NEGR1: variants seen among roughly 807,000 people sequenced by gnomAD.
NEGR1 encodes the protein IgLON family member 4.
In NEGR1, 10 loss-of-function variants were observed where a neutral mutation model predicts 40.9. That is an observed-to-expected ratio of 0.24 (90% CI 0.15 to 0.42). The LOEUF is 0.42. Ranked by LOEUF, NEGR1 falls within the 10% of genes least tolerant of loss-of-function variation. The probability of loss-of-function intolerance (pLI) is 1.00; values close to 1 mark genes in which losing one functional copy is unlikely to be tolerated. For missense variants in NEGR1, 352 were observed against 438.9 expected, an observed-to-expected ratio of 0.80 and a Z score of 1.77; for synonymous variants, 185 against 166.8, an observed-to-expected ratio of 1.11 and a Z score of -0.84.
chr1:72,057,971 A>G (rs1010216578), intron 1 of NEGR1, among the ~76,000 whole-genome samples: 1 of 151,540 alleles, frequency 6.6e-6, no homozygotes, highest in Non-Finnish European at 1.5e-5. Flanking sequence ...GCTTCAAGAT[A>G]TGAGCTTTGA....
intron 2 of NEGR1, among the ~76,000 whole-genome samples, chr1:71,930,084 TA>T (rs1460429635): frequency 1.3e-5 from 2 of 152,176 alleles, no homozygotes; most frequent in Admixed American, 1.3e-4. Flanking sequence ...AATTTATTCA[TA>T]GATTAAGGTG....
At chr1:71,438,422 G>T (rs1223027342) in intron 6 of NEGR1, among the ~76,000 whole-genome samples, 1 of 151,990 alleles carries the variant, frequency 6.6e-6, no homozygotes, top group African/African-American at 2.4e-5. Flanking sequence ...TGTATGTCGT[G>T]CTGAAAGCTA....
At chr1:71,719,201 A>G (rs1224629434) in intron 3 of NEGR1, among the ~76,000 whole-genome samples, 1 of 152,174 alleles carries the variant, frequency 6.6e-6, no homozygotes, top group Non-Finnish European at 1.5e-5. Context: ...ACATGATGAT[A>G]TATGAGGCTT....
chr1:71,845,742 C>T (rs1170207784), intron 2 of NEGR1, among the ~76,000 whole-genome samples: 2 of 151,796 alleles, frequency 1.3e-5, no homozygotes, highest in Admixed American at 6.6e-5. Flanking sequence ...TATCTACCTA[C>T]CTACCTACCT....
intron 2 of NEGR1, among the ~76,000 whole-genome samples, chr1:71,832,862 A>G (rs180951001): frequency 6.6e-6 from 1 of 152,136 alleles, no homozygotes; most frequent in Non-Finnish European, 1.5e-5. Flanking sequence ...TTGTTTCTCT[A>G]CTGAAATGGT....
intron 4 of NEGR1, among the ~76,000 whole-genome samples, chr1:71,683,931 T>C (rs1166362217): frequency 2.6e-5 from 4 of 152,158 alleles, no homozygotes; most frequent in Non-Finnish European, 4.4e-5. Flanking sequence ...ATAAACAATG[T>C]AAAAATTCTG....
At chr1:72,193,307 G>GA (rs369834848) in intron 1 of NEGR1, among the ~76,000 whole-genome samples, 1 of 151,522 alleles carries the variant, frequency 6.6e-6, no homozygotes, top group Admixed American at 6.6e-5. Context: ...TTCTAGTCCA[G>GA]AAAAAAATCT....
At chr1:71,698,253 A>C (rs1653552875) in intron 3 of NEGR1, 114 bp from the exon 4 acceptor site, 1 of 894,316 alleles carries the variant, frequency 1.1e-6, no homozygotes, top group Non-Finnish European at 1.7e-6. Context: ...TCCAAATGAA[A>C]CTGGGGAATT....
chr1:71,959,071 T>G (rs1248638497), intron 1 of NEGR1, among the ~76,000 whole-genome samples: 1 of 152,210 alleles, frequency 6.6e-6, no homozygotes, highest in African/African-American at 2.4e-5. Flanking sequence ...CAGTATTTTT[T>G]GTTTACACCA....
chr1:71,698,261 A>T, intron 3 of NEGR1, 122 bp from the exon 4 acceptor site: 1 of 834,184 alleles, frequency 1.2e-6, no homozygotes, highest in Non-Finnish European at 1.8e-6. Flanking sequence ...AAACTGGGGA[A>T]TTATTAAACC....
intron 3 of NEGR1, among the ~76,000 whole-genome samples, chr1:71,703,609 CACA>C (rs1042937661): frequency 8.0e-5 from 12 of 150,306 alleles, no homozygotes; most frequent in Middle Eastern, 3.5e-3. Context: ...AAAAAAATGA[CACA>C]ACGTTATTTA....
chr1:71,681,849 C>T (rs1034473647), intron 4 of NEGR1, among the ~76,000 whole-genome samples: 1 of 152,072 alleles, frequency 6.6e-6, no homozygotes, highest in Non-Finnish European at 1.5e-5. Flanking sequence ...TTTTTTTAGG[C>T]AGAGTCTCGC....
chr1:72,243,162 T>C (rs12062409), intron 1 of NEGR1, among the ~76,000 whole-genome samples: 66 of 151,854 alleles, frequency 4.3e-4, no homozygotes, highest in African/African-American at 1.5e-3. Context: ...TTAATGAGGG[T>C]AAGTCATACA....
intron 6 of NEGR1, among the ~76,000 whole-genome samples, chr1:71,505,329 C>G (rs1199474999): frequency 6.6e-6 from 1 of 151,868 alleles, no homozygotes; most frequent in Non-Finnish European, 1.5e-5. Flanking sequence ...GCTCTTTCGC[C>G]GGAGTGCAGT....
intron 6 of NEGR1, among the ~76,000 whole-genome samples, chr1:71,476,335 C>A (rs1457067086): frequency 1.3e-5 from 2 of 152,030 alleles, no homozygotes; most frequent in African/African-American, 4.8e-5. Flanking sequence ...AAATTAAAAT[C>A]AATAAAATAA....
At chr1:71,740,228 A>G (rs192884773) in intron 3 of NEGR1, among the ~76,000 whole-genome samples, 1 of 152,308 alleles carries the variant, frequency 6.6e-6, no homozygotes, top group East Asian at 1.9e-4. Flanking sequence ...CTACGTCACA[A>G]CCATTCTTCT....
chr1:71,612,031 G>A (rs1285636127), intron 4 of NEGR1, among the ~76,000 whole-genome samples: 1 of 152,164 alleles, frequency 6.6e-6, no homozygotes, highest in Non-Finnish European at 1.5e-5. Context: ...GACCATCCTG[G>A]CTAACACAGT....
rs1646255175 is a variant in NEGR1 at position 71,402,845 on chromosome 1, GT to G, written c.*4600del. The G allele has an allele frequency of 6.6e-5, 10 of 152,134 alleles. No homozygotes were observed. The South Asian group carries it at 2.1e-3, about 32-fold the overall frequency. 9.4% of individuals were successfully genotyped at this position (152,134 alleles called of 1,614,324 possible). A position where few individuals can be genotyped will look rare whatever the true frequency, so the allele number is the denominator to read the frequency against. On this transcript the variant is annotated 3_prime_UTR_variant, in exon 7 of 7. Coordinates refer to ENST00000357731, the MANE Select transcript of NEGR1 (RefSeq NM_173808.3). ...GAAACTAGCTCTGTTTCATGTGCTGGTTTTCCATGTCTGATACTTGATGTTT... is the reference window on the plus strand; with the variant it reads ...GAAACTAGCTCTGTTTCATGTGCTGGTTTCCATGTCTGATACTTGATGTTT...
chr1:71,609,688 C>T (rs944326259), intron 5 of NEGR1, among the ~76,000 whole-genome samples: 1 of 151,784 alleles, frequency 6.6e-6, no homozygotes, highest in Non-Finnish European at 1.5e-5. Flanking sequence ...CGTTCTTATC[C>T]TTTGTGGTAA....
Sources: allele counts gnomAD v4.1 joint callset (sites outside exome capture counted in the v4.1 genomes callset), GRCh38; gene constraint gnomAD v4.1.1; transcripts MANE v1.5; gene names NCBI Gene and HGNC (gene_info 2026-07-23, HGNC 2026-07-21).